WDCP: variants seen among roughly 807,000 people sequenced by gnomAD.
WDCP encodes the protein WD repeat and coiled-coil-containing protein.
In WDCP, 19 loss-of-function variants were observed where a neutral mutation model predicts 41.6. The observed-to-expected ratio is 0.46, with a 90% CI of 0.32 to 0.67. The LOEUF is 0.67. Among genes scored for constraint, WDCP ranks in the 30% least tolerant of loss-of-function variants. WDCP has a pLI of 0.04. For synonymous variants in WDCP, 302 were observed against 320.8 expected (o/e 0.94, Z 0.63); for missense variants, 802 against 850.7 (o/e 0.94, Z 0.71).
rs1233893373 is a variant in WDCP, at chr2:24,039,306, C to A, written c.189G>T (p.Leu63Phe). ...CATCTGCAACAGGTGGGGCCCAGGA[C>A]AACCCACAGACACATTCAAACTGTC... ...VIGQFECVCG[L>F]SWAPPVADDT... Residue 63 changes from leucine to phenylalanine, a missense_variant, in exon 2 of 4, where the codon TTG becomes TTT. Around this residue, in one of 5 missense-constraint regions of WDCP, gnomAD observed 214 missense variants for 252.9 expected, o/e 0.85. Coordinates refer to ENST00000295148, the MANE Select transcript of WDCP (RefSeq NM_025203.3). 2 of 1,614,228 alleles carry A rather than the reference C, an allele frequency of 1.2e-6. No homozygotes were observed. The highest frequency in any genetic ancestry group is 2.2e-5 in the South Asian group (2 of 91,086).
chr2:24,045,956 A>G (rs1663611559), intron 1 of WDCP: 1 of 152,156 alleles, frequency 6.6e-6, no homozygotes, highest in Non-Finnish European at 1.5e-5. Flanking sequence ...AAAAAATAAT[A>G]AAAATAAAAA....
At chr2:24,046,352 A>G (rs1558338636) in intron 1 of WDCP, among the ~76,000 whole-genome samples, 1 of 152,142 alleles carries the variant, frequency 6.6e-6, no homozygotes. Flanking sequence ...GCATTCCCCA[A>G]CGCTACTGAT....
At chr2:24,033,191 T>C (rs1663149351) in intron 2 of WDCP, 2 of 586,828 alleles carry the variant, frequency 3.4e-6, no homozygotes. Context: ...AGGAACTGGC[T>C]CTCCTAGAAT....
At position 24,038,886 on chromosome 2, in the gene WDCP, G is replaced by C; in HGVS notation, c.609C>G (p.Asp203Glu). 6.2e-7 allele frequency: 1 copy of C among 1,614,240 alleles called. No homozygotes were observed. Among genetic ancestry groups the C allele is most frequent in the Non-Finnish European group, 8.5e-7 (1 of 1,180,042 alleles). Reference protein sequence around the residue: ...RCSSCLVFDVDSHVCSITATV... With the variant: ...RCSSCLVFDVESHVCSITATV... ...TTGCTGTGATGGAGCAGACGTGGCT[G>C]TCCACATCAAACACCAGGCAGGAGG... The change falls in exon 2 of 4, where the codon GAC (aspartate) becomes GAG (glutamate). Residue 203 changes from aspartate (D) to glutamate (E), a missense_variant. Physicochemically the swap from Asp to Glu is conservative, Grantham distance 45 (BLOSUM62 2). Coordinates refer to ENST00000295148, the MANE Select transcript of WDCP (RefSeq NM_025203.3).
intron 2 of WDCP, among the ~76,000 whole-genome samples, chr2:24,037,122 G>C (rs939753047): frequency 6.6e-5 from 10 of 152,196 alleles, no homozygotes; most frequent in African/African-American, 2.4e-4. Flanking sequence ...GTGCCTCCCG[G>C]GCTCAAGTGA....
chr2:24,034,857 AAGCCACTGTGCCTGGCCAAAC>A (rs1229295273), intron 2 of WDCP, among the ~76,000 whole-genome samples: 2 of 152,132 alleles, frequency 1.3e-5, no homozygotes, highest in African/African-American at 4.8e-5. Context: ...TTACAGGTTT[AAGCCACTGTGCCTGGCCAAAC>A]ATGGTTGTTT....
intron 2 of WDCP, among the ~76,000 whole-genome samples, chr2:24,036,614 T>A (rs749749878): frequency 6.6e-6 from 1 of 152,194 alleles, no homozygotes; most frequent in Non-Finnish European, 1.5e-5. Context: ...GGTACTAATA[T>A]GAATGGATAC....
intron 2 of WDCP, among the ~76,000 whole-genome samples, chr2:24,035,514 C>T (rs1281968631): frequency 1.3e-5 from 2 of 151,450 alleles, no homozygotes; most frequent in African/African-American, 4.9e-5. Flanking sequence ...AAATGAATTA[C>T]CTATTAAAAA....
chr2:24,037,627 G>T, intron 2 of WDCP, 50 bp downstream of exon 2: 1 of 1,522,874 alleles, frequency 6.6e-7, no homozygotes, highest in South Asian at 1.3e-5. Context: ...AGTACTCACC[G>T]GCTGCAGGAG....
At position 24,037,708 on chromosome 2, in the gene WDCP, T is replaced by C. The variant is rs150149695; in HGVS notation, c.1787A>G (p.Gln596Arg). ...KKSSSVYPLSQDLPYVHIIYQ... is the reference protein window; with the variant it reads ...KKSSSVYPLSRDLPYVHIIYQ... ...AATGATGTGAACATAAGGAAGATCT[T>C]GAGAGAGTGGATACACTGAAGAGGA... The change falls in exon 2 of 4, where the codon CAA becomes CGA. Residue 596 changes from glutamine (Q) to arginine (R), a missense_variant. Gln to Arg is a conservative substitution (Grantham distance 43, BLOSUM62 1). Around this residue, in one of 5 missense-constraint regions of WDCP, gnomAD observed 321 missense variants for 305.1 expected, o/e 1.05. Transcript: ENST00000295148. The C allele has an allele frequency of 2.0e-4, 321 of 1,613,632 alleles. 2 individuals are homozygous for C. The African/African-American group carries it at 3.7e-3, about 19-fold the overall frequency.
Position 24,032,930 on chromosome 2 carries a change from C to T in WDCP, c.1835G>A (p.Gly612Asp), listed in dbSNP as rs540849121. Residue 612 changes from glycine to aspartate, a missense_variant, in exon 3 of 4, where the codon GGT becomes GAT. Gly to Asp is a moderately conservative substitution (Grantham distance 94). Coordinates refer to ENST00000295148, the MANE Select transcript of WDCP (RefSeq NM_025203.3). ...HIIYQKPYYL[G>D]PVVEKRAVLL... Reference sequence around the variant, plus strand: ...CACCGCTCTTTTTTCAACAACAGGACCTAGATAATAAGGTTTCTGCAAATA... The same window carrying T: ...CACCGCTCTTTTTTCAACAACAGGATCTAGATAATAAGGTTTCTGCAAATA... 7 of 1,604,830 alleles carry T rather than the reference C, an allele frequency of 4.4e-6. No homozygotes were observed. In the African/African-American group the frequency reaches 9.4e-5, roughly 21 times the overall value.
At position 24,039,271 on chromosome 2, in the gene WDCP, A is replaced by C. The variant is rs1397477876; in HGVS notation, c.224T>G (p.Val75Gly). Residue 75 changes from valine (V) to glycine (G), a missense_variant, in exon 2 of 4, where the codon GTT (valine) becomes GGT (glycine). Val to Gly is a moderately radical substitution (Grantham distance 109, BLOSUM62 -3). Coordinates refer to ENST00000295148, the MANE Select transcript of WDCP (RefSeq NM_025203.3). ...WAPPVADDTP[V>G]LLAVQHEKHV... ...CTTCTCATGCTGGACAGCGAGTAGA[A>C]CAGGTGTATCATCTGCAACAGGTGG... is the stretch of plus-strand genomic sequence containing the variant. The C allele has an allele frequency of 9.3e-6, 15 of 1,614,216 alleles. No homozygotes were observed. In the South Asian group the frequency reaches 1.6e-4, roughly 18 times the overall value.
intron 1 of WDCP, among the ~76,000 whole-genome samples, chr2:24,044,278 G>T: frequency 6.6e-6 from 1 of 151,700 alleles, no homozygotes; most frequent in East Asian, 1.9e-4. Flanking sequence ...TTTTTTTTGG[G>T]GGGGGCGTGG....
At chr2:24,043,852 T>C (rs1663528931) in intron 1 of WDCP, among the ~76,000 whole-genome samples, 1 of 152,046 alleles carries the variant, frequency 6.6e-6, no homozygotes, top group South Asian at 2.1e-4. Flanking sequence ...GCATATCTCC[T>C]TGCTAGCTTT....
At chr2:24,035,384 A>G (rs1374288788) in intron 2 of WDCP, among the ~76,000 whole-genome samples, 1 of 152,164 alleles carries the variant, frequency 6.6e-6, no homozygotes, top group Non-Finnish European at 1.5e-5. Context: ...ATAAAGAAAT[A>G]AAAATAAAAA....
At position 24,031,133 on chromosome 2, in the gene WDCP, T is replaced by C; in HGVS notation, c.1966A>G (p.Ser656Gly). ...AAGGTTAACGGGATAAAGCCCTCAC[T>C]GTCAGCAGAGAGAAGAATCCAGTGG... is the stretch of plus-strand genomic sequence containing the variant. ...DSHWILLSADSEGFIPLTFTA... is the reference protein window; with the variant it reads ...DSHWILLSADGEGFIPLTFTA... Residue 656 changes from serine (S) to glycine (G), a missense_variant, in exon 4 of 4, where the codon AGT becomes GGT. Physicochemically the swap from Ser to Gly is moderately conservative, Grantham distance 56 (BLOSUM62 0). This residue lies in a region of WDCP where 321 missense variants were observed against 305.1 expected (regional missense o/e 1.05). Transcript: ENST00000295148. 6.2e-7 allele frequency: 1 copy of C among 1,614,076 alleles called. No homozygotes were observed. Among genetic ancestry groups the C allele is most frequent in the Non-Finnish European group, 8.5e-7 (1 of 1,179,938 alleles).
In WDCP at chr2:24,030,774, C is replaced by A. The variant is rs986721672; in HGVS notation, c.*159G>T. 2.3e-5 allele frequency: 14 copies of A among 620,168 alleles called. No homozygotes were observed. The Admixed American group carries it at 3.9e-4, about 17-fold the overall frequency. The allele number at this position is 620,168 out of a possible 1,614,324, so 38.4% of individuals were successfully genotyped here. A position where few individuals can be genotyped will look rare whatever the true frequency, so the allele number is the denominator to read the frequency against. ...CTGAGCTCTGCTACACAGCAGCGAG[C>A]CTCAGCTCAGGGGAAACAGGGGGAA... On this transcript the variant is annotated 3_prime_UTR_variant, in exon 4 of 4. Transcript: ENST00000295148.
intron 1 of WDCP, among the ~76,000 whole-genome samples, chr2:24,040,507 C>G (rs150013452): frequency 6.6e-6 from 1 of 152,198 alleles, no homozygotes; most frequent in Non-Finnish European, 1.5e-5. Context: ...GCTTTTATCC[C>G]TCTATTGAAA....
rs1663057411 is a variant in WDCP, at chr2:24,029,858, G to T, written c.*1075C>A. The T allele has an allele frequency of 6.6e-6, 1 of 152,480 alleles. No homozygotes were observed. The highest frequency in any genetic ancestry group is 1.9e-4 in the East Asian group (1 of 5,198). 9.4% of individuals were successfully genotyped at this position (152,480 alleles called of 1,614,324 possible). ...CTGAAATCTGTGATTCCATCTGAAG[G>T]CAGTGAGAAGTGGTGTTACCATCTG... On this transcript the variant is annotated 3_prime_UTR_variant, in exon 4 of 4. Transcript: ENST00000295148.
Sources: gnomAD v4.1 joint callset for allele counts (sites outside exome capture counted in the v4.1 genomes callset) on GRCh38, gnomAD v4.1.1 for gene constraint, gnomAD v4.1.1 regional missense constraint, MANE v1.5 for transcripts, NCBI Gene and HGNC (gene_info 2026-07-23, HGNC 2026-07-21) for gene names.